The following THADA variants were observed in gnomAD, a reference collection of about 807,000 sequenced individuals.
THADA encodes tRNA (32-2'-O)-methyltransferase regulator THADA.
A neutral mutation model predicts 219.8 loss-of-function variants in THADA; 213 were observed. That is an observed-to-expected ratio of 0.97 (90% CI 0.87 to 1.09). THADA has a LOEUF of 1.09. Ranked by LOEUF, THADA falls within the 50% of genes least tolerant of loss-of-function variation. The probability of loss-of-function intolerance (pLI) is 0.00; values close to 1 mark genes in which losing one functional copy is unlikely to be tolerated. For missense variants in THADA, 2,956 were observed against 2,311.3 expected, an observed-to-expected ratio of 1.28 and a Z score of -5.72; for synonymous variants, 1,018 against 828.9, an observed-to-expected ratio of 1.23 and a Z score of -3.92.
intron 26 of THADA, among the ~76,000 whole-genome samples, chr2:43,459,143 G>A (rs1683343127): frequency 6.6e-6 from 1 of 152,114 alleles, no homozygotes; most frequent in Non-Finnish European, 1.5e-5. Context: ...TACTTTCTTT[G>A]CTCCCATGTC....
chr2:43,338,876 T>C (rs909734028), intron 30 of THADA, among the ~76,000 whole-genome samples: 4 of 152,224 alleles, frequency 2.6e-5, no homozygotes, highest in Non-Finnish European at 4.4e-5. Context: ...AAAAGTGGAA[T>C]TGTTGGATTA....
chr2:43,263,562 G>A (rs889827510), intron 36 of THADA, among the ~76,000 whole-genome samples: 2 of 152,144 alleles, frequency 1.3e-5, no homozygotes, highest in African/African-American at 4.8e-5. Context: ...AACATGCTAA[G>A]GATGAGAAGC....
intron 26 of THADA, 100 bp downstream of exon 26, chr2:43,485,134 G>T (rs376895931): frequency 2.4e-6 from 2 of 844,490 alleles, no homozygotes; most frequent in East Asian, 2.5e-5. Context: ...TTATGCTCTA[G>T]ATGAATCTAT....
chr2:43,428,156 C>G lies in THADA; in HGVS notation c.4002G>C (p.Pro1334=). The G allele has an allele frequency of 1.2e-6, 2 of 1,610,668 alleles. No homozygotes were observed. The highest frequency in any genetic ancestry group is 1.1e-5 in the South Asian group (1 of 90,588). Residue 1334 remains proline (P), a synonymous_variant, in exon 28 of 38, where the codon CCG becomes CCC. Transcript: ENST00000405975. ...LLVLERLYAS[P]MDGTSSALSM... ...TGAGAGCAGAAGAAGTACCATCCAT[C>G]GGGGAAGCGTAGAGTCTCTCCAACA...
rs1699932941 is a variant in THADA at position 43,577,083 on chromosome 2, C to T, written c.976G>A (p.Gly326Ser). Reference sequence around the variant, plus strand: ...AAGAGCAGGGCCTCCCCACTCCGACCCATGCTTCCGTTCTGCCAGTCCAAC... The same window carrying T: ...AAGAGCAGGGCCTCCCCACTCCGACTCATGCTTCCGTTCTGCCAGTCCAAC... ...AMLDWQNGSM[G>S]RSGEALLLDT... Residue 326 changes from glycine to serine, a missense_variant, in exon 10 of 38, where the codon GGT becomes AGT. By Grantham distance (56) the Gly-to-Ser change is moderately conservative. Transcript: ENST00000405975. 1.2e-6 allele frequency: 2 copies of T among 1,613,406 alleles called. No homozygotes were observed. Among genetic ancestry groups the T allele is most frequent in the Admixed American group, 1.7e-5 (1 of 59,934 alleles).
At position 43,398,023 on chromosome 2, in the gene THADA, C is replaced by A; in HGVS notation, c.4175G>T (p.Ser1392Ile). The A allele has an allele frequency of 6.2e-7, 1 of 1,613,962 alleles. No homozygotes were observed. The highest frequency in any genetic ancestry group is 8.5e-7 in the Non-Finnish European group (1 of 1,179,870). Residue 1392 changes from serine to isoleucine, a missense_variant, in exon 29 of 38, where the codon AGC becomes ATC. Ser to Ile is a moderately radical substitution (Grantham distance 142). Coordinates refer to ENST00000405975, the MANE Select transcript of THADA (RefSeq NM_022065.5). ...TTGCCGGAAACACTGGTCAGTGCAGCTGGGGAGTGTGGACAACAGAGTTCG... is the reference window on the plus strand; with the variant it reads ...TTGCCGGAAACACTGGTCAGTGCAGATGGGGAGTGTGGACAACAGAGTTCG... ...TIRTLLSTLPSCTDQCFRQNH... is the reference protein window; with the variant it reads ...TIRTLLSTLPICTDQCFRQNH...
chr2:43,271,709 G>A (rs1449291248), intron 36 of THADA, among the ~76,000 whole-genome samples: 1 of 151,042 alleles, frequency 6.6e-6, no homozygotes, highest in African/African-American at 2.4e-5. Flanking sequence ...CCACCTCCTG[G>A]GTTCAAGCGA....
At chr2:43,297,893 C>T (rs1316935198) in intron 31 of THADA, among the ~76,000 whole-genome samples, 3 of 110,916 alleles carry the variant, frequency 2.7e-5, no homozygotes, top group Admixed American at 8.0e-5. Context: ...GCCCGGCCGC[C>T]CCTACTGGGA....
rs553652676 is a variant in THADA, at chr2:43,557,205, T to C, written c.2464-650A>G. Among the ~76,000 whole-genome samples, 16 of 152,368 alleles carry C rather than the reference T, an allele frequency of 1.1e-4. No individual in the cohort carries two copies. The South Asian group carries it at 3.3e-3, about 32-fold the overall frequency. ...GTGAGTTTTTTATTACAGTAATTAATGATTATTAATCAGCTGGAAATAATT... is the reference window on the plus strand; with the variant it reads ...GTGAGTTTTTTATTACAGTAATTAACGATTATTAATCAGCTGGAAATAATT... On this transcript the variant is annotated intron_variant, in intron 16 of 37. Transcript: ENST00000405975.
At chr2:43,256,701 C>A (rs1050314342) in intron 36 of THADA, among the ~76,000 whole-genome samples, 4 of 151,722 alleles carry the variant, frequency 2.6e-5, no homozygotes, top group African/African-American at 9.7e-5. Flanking sequence ...CCCTCAGACT[C>A]TTGAGTAGCT....
intron 30 of THADA, among the ~76,000 whole-genome samples, chr2:43,325,741 C>G (rs1336441648): frequency 6.6e-6 from 1 of 152,158 alleles, no homozygotes; most frequent in Non-Finnish European, 1.5e-5. Flanking sequence ...GATTGTTTCA[C>G]TAAGGTTTTT....
At chr2:43,422,027 G>A (rs769729344) in intron 28 of THADA, among the ~76,000 whole-genome samples, 4 of 152,164 alleles carry the variant, frequency 2.6e-5, no homozygotes, top group Non-Finnish European at 4.4e-5. Context: ...TCTGAAATAA[G>A]GCATGCCAAA....
intron 14 of THADA, 48 bp downstream of exon 14, chr2:43,570,339 AC>A (rs1699153046): frequency 6.6e-7 from 1 of 1,513,926 alleles, no homozygotes; most frequent in South Asian, 1.2e-5. Flanking sequence ...TATTCATAAT[AC>A]TTTTTAATTT....
chr2:43,585,565 T>TAGAC (rs1426980603), intron 7 of THADA, among the ~76,000 whole-genome samples: 57 of 147,490 alleles, frequency 3.9e-4, no homozygotes, highest in African/African-American at 1.4e-3. Flanking sequence ...GATAGATAGA[T>TAGAC]AGATAGATAG....
chr2:43,535,928 T>C (rs1694538879), intron 21 of THADA, among the ~76,000 whole-genome samples: 1 of 151,844 alleles, frequency 6.6e-6, no homozygotes. Flanking sequence ...CCTCAGCCTC[T>C]CGAGTGGCTG....
At chr2:43,592,675 G>A (rs1701698366) in intron 1 of THADA, among the ~76,000 whole-genome samples, 1 of 152,142 alleles carries the variant, frequency 6.6e-6, no homozygotes, top group South Asian at 2.1e-4. Flanking sequence ...AAGAATTTCT[G>A]ATTTGAAGAA....
Position 43,578,613 on chromosome 2 carries a change from T to C in THADA, c.722-6A>G, listed in dbSNP as rs374782814. 6.3e-7 allele frequency: 1 copy of C among 1,578,874 alleles called. No individual in the cohort carries two copies. The highest frequency in any genetic ancestry group is 1.4e-5 in the African/African-American group (1 of 73,254). On this transcript the variant is annotated splice_polypyrimidine_tract_variant and splice_region_variant and intron_variant, in intron 8 of 37. Coordinates refer to ENST00000405975, the MANE Select transcript of THADA (RefSeq NM_022065.5). Reference sequence around the variant, plus strand: ...TACAGTCTGTAACAGATCATCTATTTGGCAAAAAAGGAGAGAAGCTTGTGT... The same window carrying C: ...TACAGTCTGTAACAGATCATCTATTCGGCAAAAAAGGAGAGAAGCTTGTGT...
chr2:43,308,432 C>G (rs1485027734), intron 31 of THADA, among the ~76,000 whole-genome samples: 1 of 150,816 alleles, frequency 6.6e-6, no homozygotes, highest in Non-Finnish European at 1.5e-5. Flanking sequence ...GGGCTGGGCA[C>G]GGTGGCTCAC....
intron 10 of THADA, among the ~76,000 whole-genome samples, chr2:43,575,925 G>C (rs1370688989): frequency 6.6e-6 from 1 of 152,156 alleles, no homozygotes; most frequent in Non-Finnish European, 1.5e-5. Flanking sequence ...TTCTAAAGTT[G>C]TTTGAATTAA....
Sources: gnomAD v4.1 joint callset for allele counts (sites outside exome capture counted in the v4.1 genomes callset) on GRCh38, gnomAD v4.1.1 for gene constraint, MANE v1.5 for transcripts, NCBI Gene and HGNC (gene_info 2026-07-23, HGNC 2026-07-21) for gene names.